CD2AP: variants seen among roughly 807,000 people sequenced by gnomAD.
CD2AP encodes CD2 associated protein, also known as CD2-associated protein.
In CD2AP, 46 loss-of-function variants were observed where a neutral mutation model predicts 85.1. That is an observed-to-expected ratio of 0.54 (90% CI 0.43 to 0.69). The LOEUF (loss-of-function observed/expected upper bound fraction) is 0.69, where lower values mean the gene tolerates loss of function less well. CD2AP is among the 30% of genes least tolerant of loss of function. The pLI is 0.00. For synonymous variants in CD2AP, 255 were observed against 252.9 expected (o/e 1.01, Z -0.08); for missense variants, 769 against 729.5 (o/e 1.05, Z -0.62).
At chr6:47,535,573 A>G (rs186162601) in intron 3 of CD2AP, among the ~76,000 whole-genome samples, 6 of 152,308 alleles carry the variant, frequency 3.9e-5, no homozygotes, top group Admixed American at 2.6e-4. Context: ...ACTTGGACCA[A>G]TTCTAGGGTT....
intron 3 of CD2AP, among the ~76,000 whole-genome samples, chr6:47,540,187 AAAAAAAG>A (rs1456880313): frequency 1.3e-5 from 2 of 151,418 alleles, no homozygotes; most frequent in South Asian, 2.1e-4. Context: ...AAAAAAAAAA[AAAAAAAG>A]AAAAAAGAAA....
chr6:47,580,716 T>C (rs1226982991), intron 9 of CD2AP, 148 bp from the exon 10 acceptor site: 1 of 630,464 alleles, frequency 1.6e-6, no homozygotes, highest in Non-Finnish European at 2.8e-6. Flanking sequence ...TTTGGGTAGT[T>C]TTTACGATCT....
At chr6:47,583,373 C>T (rs1433673842) in intron 11 of CD2AP, among the ~76,000 whole-genome samples, 1 of 152,174 alleles carries the variant, frequency 6.6e-6, no homozygotes, top group Non-Finnish European at 1.5e-5. Flanking sequence ...ATTGTAGTAT[C>T]ATACAGAATA....
intron 2 of CD2AP, among the ~76,000 whole-genome samples, chr6:47,513,352 T>C (rs1436645817): frequency 2.0e-5 from 3 of 152,176 alleles, no homozygotes; most frequent in Non-Finnish European, 4.4e-5. Context: ...TCATGACTGC[T>C]TGGGCAGTCT....
chr6:47,578,444 G>A (rs143473459), intron 8 of CD2AP, among the ~76,000 whole-genome samples: 14 of 152,190 alleles, frequency 9.2e-5, no homozygotes, highest in South Asian at 2.1e-4. Flanking sequence ...AACTCCTGGC[G>A]TCAGGCAATC....
At chr6:47,623,326 T>G (rs1769813795) in intron 17 of CD2AP, among the ~76,000 whole-genome samples, 1 of 152,242 alleles carries the variant, frequency 6.6e-6, no homozygotes, top group South Asian at 2.1e-4. Context: ...GCCATCAGGA[T>G]AAGGCAAGGC....
At chr6:47,507,983 T>C (rs1766218418) in intron 2 of CD2AP, among the ~76,000 whole-genome samples, 1 of 152,206 alleles carries the variant, frequency 6.6e-6, no homozygotes, top group African/African-American at 2.4e-5. Flanking sequence ...TGTAAATAGA[T>C]GTGCTGTCAT....
At position 47,595,577 on chromosome 6, in the gene CD2AP, A is replaced by C. The variant is rs528365821; in HGVS notation, c.1109-284A>C. Reference sequence around the variant, plus strand: ...GAGATAGACTACTACACTTAAAAGCAAAGCTTCCTGGGAACATAATAAAAA... The same window carrying C: ...GAGATAGACTACTACACTTAAAAGCCAAGCTTCCTGGGAACATAATAAAAA... On this transcript the variant is annotated intron_variant, in intron 11 of 17. Coordinates refer to ENST00000359314, the MANE Select transcript of CD2AP (RefSeq NM_012120.3). Among the ~76,000 whole-genome samples, 4 of 152,238 alleles carry C rather than the reference A, an allele frequency of 2.6e-5. No homozygotes were observed. The East Asian group carries it at 5.8e-4, about 22-fold the overall frequency.
chr6:47,516,507 A>G (rs1038597457), intron 2 of CD2AP, among the ~76,000 whole-genome samples: 12 of 152,242 alleles, frequency 7.9e-5, no homozygotes, highest in African/African-American at 2.4e-4. Flanking sequence ...AGTAATGCCT[A>G]TCACACCCAG....
intron 11 of CD2AP, among the ~76,000 whole-genome samples, chr6:47,590,658 C>T (rs189785343): frequency 3.9e-5 from 6 of 152,024 alleles, no homozygotes; most frequent in Admixed American, 3.3e-4. Context: ...TTTTGGTATA[C>T]GTGAGGATCT....
chr6:47,589,565 C>CACACACACATATATATATATATAT (rs139814970), intron 11 of CD2AP, among the ~76,000 whole-genome samples: 1 of 120,942 alleles, frequency 8.3e-6, no homozygotes, highest in Non-Finnish European at 1.8e-5. Context: ...CACACACACA[C>CACACACACATATATATATATATAT]ATATATATAT....
At chr6:47,578,569 A>G (rs573524950) in intron 8 of CD2AP, among the ~76,000 whole-genome samples, 1 of 152,244 alleles carries the variant, frequency 6.6e-6, no homozygotes, top group East Asian at 1.9e-4. Flanking sequence ...TAGTATATAA[A>G]GTGTTAAAAG....
At chr6:47,536,088 A>G (rs1227821572) in intron 3 of CD2AP, among the ~76,000 whole-genome samples, 6 of 152,148 alleles carry the variant, frequency 3.9e-5, no homozygotes, top group Non-Finnish European at 4.4e-5. Flanking sequence ...GATCTTCCAT[A>G]ACTTGTTTTT....
At chr6:47,551,974 A>G (rs561643453) in intron 4 of CD2AP, among the ~76,000 whole-genome samples, 2 of 152,100 alleles carry the variant, frequency 1.3e-5, no homozygotes, top group East Asian at 3.9e-4. Context: ...TTTACAAACT[A>G]GCATCTGTTG....
chr6:47,615,887 C>T (rs1769570215), intron 17 of CD2AP, among the ~76,000 whole-genome samples: 1 of 150,914 alleles, frequency 6.6e-6, no homozygotes, highest in Non-Finnish European at 1.5e-5. Context: ...TCACTCCGTT[C>T]TCCCACCTCG....
At chr6:47,500,168 T>A (rs1051704513) in intron 1 of CD2AP, among the ~76,000 whole-genome samples, 2 of 152,254 alleles carry the variant, frequency 1.3e-5, no homozygotes, top group African/African-American at 4.8e-5. Context: ...AGCTATTTTT[T>A]ATTTTTTTGT....
At chr6:47,513,250 CT>C (rs1766365997) in intron 2 of CD2AP, among the ~76,000 whole-genome samples, 1 of 151,500 alleles carries the variant, frequency 6.6e-6, no homozygotes, top group South Asian at 2.1e-4. Flanking sequence ...CTGGTGCTCA[CT>C]TTCACTGTCT....
At chr6:47,562,715 G>A (rs1478074933) in intron 5 of CD2AP, 2 of 731,830 alleles carry the variant, frequency 2.7e-6, no homozygotes, top group Non-Finnish European at 5.0e-6. Flanking sequence ...CAGTAGCCTA[G>A]CAGTGAAATT....
chr6:47,491,148 G>T (rs1765720208), intron 1 of CD2AP, among the ~76,000 whole-genome samples: 2 of 151,934 alleles, frequency 1.3e-5, no homozygotes, highest in Non-Finnish European at 2.9e-5. Flanking sequence ...TTATGGTAAA[G>T]AATAAATATT....
Sources: allele counts gnomAD v4.1 joint callset (sites outside exome capture counted in the v4.1 genomes callset), GRCh38; gene constraint gnomAD v4.1.1; transcripts MANE v1.5; gene names NCBI Gene and HGNC (gene_info 2026-07-23, HGNC 2026-07-21).